Variants in IL1RAPL2 observed in about 807,000 individuals in gnomAD.
IL1RAPL2 encodes X-linked interleukin-1 receptor accessory protein-like 2.
IL1RAPL2 carries 3 observed loss-of-function variants against 44.1 expected under a neutral mutation model. The observed-to-expected ratio is 0.07, with a 90% CI of 0.03 to 0.18. IL1RAPL2 has a LOEUF of 0.18. Among genes scored for constraint, IL1RAPL2 ranks in the 10% least tolerant of loss-of-function variants. The pLI, the probability that IL1RAPL2 is intolerant of heterozygous loss-of-function variation, is 1.00. For missense variants in IL1RAPL2, 391 were observed against 496.4 expected (o/e 0.79, Z 2.02); for synonymous variants, 181 against 178.8 (o/e 1.01, Z -0.10).
chrX:104,627,645 AC>A (rs1407675997), intron 1 of IL1RAPL2, among the ~76,000 whole-genome samples: 1 of 110,307 alleles, frequency 9.1e-6, no homozygotes, highest in Non-Finnish European at 1.9e-5. Context: ...GTGAAAAAGG[AC>A]CCCCTCCCCA....
At chrX:105,029,245 T>C (rs1252646164) in intron 2 of IL1RAPL2, among the ~76,000 whole-genome samples, 1 of 107,576 alleles carries the variant, frequency 9.3e-6, no homozygotes, top group Non-Finnish European at 1.9e-5. Flanking sequence ...TTTTATTTAT[T>C]TATTTTTATT....
intron 6 of IL1RAPL2, among the ~76,000 whole-genome samples, chrX:105,593,255 A>G (rs2147819294): frequency 8.9e-6 from 1 of 111,935 alleles, no homozygotes; most frequent in East Asian, 2.8e-4. Context: ...TTATGAAATT[A>G]TTGTAGTGAG....
intron 2 of IL1RAPL2, among the ~76,000 whole-genome samples, chrX:104,967,000 C>T (rs916772915): frequency 3.6e-5 from 4 of 112,365 alleles, no homozygotes; most frequent in African/African-American, 1.3e-4. Context: ...GTAGGCCAGT[C>T]TTGGCCCATA....
intron 2 of IL1RAPL2, among the ~76,000 whole-genome samples, chrX:105,136,497 A>G (rs1272780834): frequency 8.9e-6 from 1 of 112,678 alleles, no homozygotes; most frequent in Admixed American, 9.4e-5. Context: ...GAGCACTTGG[A>G]TGACTATAGT....
intron 2 of IL1RAPL2, among the ~76,000 whole-genome samples, chrX:104,909,368 T>C (rs1341422114): frequency 1.8e-5 from 2 of 112,439 alleles, no homozygotes; most frequent in African/African-American, 6.4e-5. Flanking sequence ...TCTGTCCAGC[T>C]TTGTTCCGTT....
intron 1 of IL1RAPL2, among the ~76,000 whole-genome samples, chrX:104,626,871 A>G (rs1929517987): frequency 1.9e-5 from 2 of 103,730 alleles, no homozygotes; most frequent in Admixed American, 1.1e-4. Context: ...CCCAGGCTGG[A>G]GTGCAGTGGT....
intron 2 of IL1RAPL2, among the ~76,000 whole-genome samples, chrX:104,713,911 C>T (rs1184425316): frequency 1.8e-5 from 2 of 110,486 alleles, no homozygotes; most frequent in East Asian, 2.9e-4. Context: ...AGAGAGAAGC[C>T]GAGAAATAAG....
chrX:104,765,285 T>C (rs745355373), intron 2 of IL1RAPL2, among the ~76,000 whole-genome samples: 1 of 111,929 alleles, frequency 8.9e-6, no homozygotes, highest in Non-Finnish European at 1.9e-5. Context: ...CCTGGTTCAA[T>C]CTTGGTAGGT....
At chrX:105,052,397 A>C (rs1379740532) in intron 2 of IL1RAPL2, among the ~76,000 whole-genome samples, 1 of 112,047 alleles carries the variant, frequency 8.9e-6, no homozygotes, top group Non-Finnish European at 1.9e-5. Flanking sequence ...CTGGGTGACC[A>C]TGTGTTCAGC....
chrX:105,666,172 C>T (rs762292013), intron 6 of IL1RAPL2, among the ~76,000 whole-genome samples: 2 of 109,959 alleles, frequency 1.8e-5, no homozygotes, highest in East Asian at 5.7e-4. Context: ...ATAAAAAACC[C>T]ACATAGCTTT....
intron 2 of IL1RAPL2, among the ~76,000 whole-genome samples, chrX:104,948,229 G>T (rs1449328864): frequency 9.3e-6 from 1 of 107,704 alleles, no homozygotes; most frequent in Non-Finnish European, 1.9e-5. Context: ...GTCTGTTATT[G>T]GTGTATAAGA....
chrX:104,889,287 G>C (rs1010333625), intron 2 of IL1RAPL2, among the ~76,000 whole-genome samples: 7 of 111,292 alleles, frequency 6.3e-5, no homozygotes, highest in Non-Finnish European at 1.3e-4. Context: ...TCTCTCAAAA[G>C]GTTCCTAGTC....
intron 6 of IL1RAPL2, among the ~76,000 whole-genome samples, chrX:105,542,356 A>T (rs2036744851): frequency 8.9e-6 from 1 of 112,258 alleles, no homozygotes; most frequent in Non-Finnish European, 1.9e-5. Flanking sequence ...CAATAACTGT[A>T]GACTGTGTGA....
chrX:104,784,898 C>CA (rs769278620), intron 2 of IL1RAPL2, among the ~76,000 whole-genome samples: 3 of 109,816 alleles, frequency 2.7e-5, no homozygotes, highest in African/African-American at 3.3e-5. Flanking sequence ...AGGAAGAGGA[C>CA]AAAAAAAGGA....
At chrX:105,527,222 A>T (rs1874964545) in intron 6 of IL1RAPL2, among the ~76,000 whole-genome samples, 1 of 111,141 alleles carries the variant, frequency 9.0e-6, no homozygotes, top group South Asian at 3.7e-4. Flanking sequence ...ATGACAGAAG[A>T]CATAATTTAA....
Position 105,387,977 on chromosome X carries a change from C to T in IL1RAPL2, c.698-96336C>T, listed in dbSNP as rs748926534. Among the ~76,000 whole-genome samples, 595 of 104,807 alleles carry T rather than the reference C, an allele frequency of 5.7e-3. 9 individuals carry two copies. Among genetic ancestry groups the T allele is most frequent in the African/African-American group, 0.019 (562 of 28,910 alleles). 91.0% of individuals were successfully genotyped at this position (104,807 alleles called of 115,157 possible). On this transcript the variant is annotated intron_variant, in intron 5 of 10. Coordinates refer to ENST00000372582, the MANE Select transcript of IL1RAPL2 (RefSeq NM_017416.2). ...CAGCGTGACCAACATGGAGAAACAC[C>T]GTCTCTACTAAAAATACAAAATTAG...
In IL1RAPL2 at chrX:105,223,639, G is replaced by A. The variant is rs1196086199; in HGVS notation, c.357-10179G>A. ...GGAGAAAGTGAAGACAGAGAAACCT[G>A]TTAAGAGGTTCCTTCAACAGTGCAG... On this transcript the variant is annotated intron_variant, in intron 3 of 10. Transcript: ENST00000372582. Among the ~76,000 whole-genome samples the A allele has an allele frequency of 2.7e-5, 3 of 111,959 alleles. No homozygotes were observed. The East Asian group carries it at 8.4e-4, about 31-fold the overall frequency.
intron 2 of IL1RAPL2, among the ~76,000 whole-genome samples, chrX:104,893,571 T>A (rs1923536118): frequency 9.0e-6 from 1 of 111,588 alleles, no homozygotes; most frequent in African/African-American, 3.3e-5. Context: ...TGATCTTTGT[T>A]GGTTTAAAGT....
chrX:105,054,199 A>G (rs1443299683), intron 2 of IL1RAPL2, among the ~76,000 whole-genome samples: 2 of 110,411 alleles, frequency 1.8e-5, no homozygotes, highest in Non-Finnish European at 3.8e-5. Flanking sequence ...TCACACTGAG[A>G]CCACCTAACA....
Sources: gnomAD v4.1 joint callset for allele counts (sites outside exome capture counted in the v4.1 genomes callset) on GRCh38, gnomAD v4.1.1 for gene constraint, MANE v1.5 for transcripts, NCBI Gene and HGNC (gene_info 2026-07-23, HGNC 2026-07-21) for gene names.